The following AASS variants were observed in gnomAD, a reference collection of about 807,000 sequenced individuals.
The protein encoded by AASS is aminoadipate-semialdehyde synthase.
A neutral mutation model predicts 105.4 loss-of-function variants in AASS; 86 were observed. The observed-to-expected ratio is 0.82, with a 90% CI of 0.69 to 0.98. The LOEUF is 0.98. Among genes scored for constraint, AASS ranks in the 50% least tolerant of loss-of-function variants. The probability of loss-of-function intolerance (pLI) is 0.00; values close to 1 mark genes in which losing one functional copy is unlikely to be tolerated. For missense variants in AASS, 1,048 were observed against 1,143.2 expected, an observed-to-expected ratio of 0.92 and a Z score of 1.20; for synonymous variants, 381 against 394.8, an observed-to-expected ratio of 0.96 and a Z score of 0.41.
At chr7:122,093,190 C>G in intron 15 of AASS, 32 bp from the exon 16 acceptor site, 3 of 1,487,802 alleles carry the variant, frequency 2.0e-6, no homozygotes, top group Non-Finnish European at 2.8e-6. Context: ...ATCAGAAACT[C>G]CCTTTTTCAA....
At chr7:122,103,506 C>T (rs1402901956) in intron 11 of AASS, among the ~76,000 whole-genome samples, 2 of 151,716 alleles carry the variant, frequency 1.3e-5, no homozygotes, top group East Asian at 3.9e-4. Context: ...AACATGAAAA[C>T]ATAAAAAGTA....
chr7:122,137,860 G>T (rs1419408614), intron 1 of AASS, among the ~76,000 whole-genome samples: 1 of 152,156 alleles, frequency 6.6e-6, no homozygotes, highest in African/African-American at 2.4e-5. Flanking sequence ...GAAGATCAGG[G>T]TTTACTCACC....
At chr7:122,138,773 A>T (rs1796262081) in intron 1 of AASS, among the ~76,000 whole-genome samples, 1 of 152,074 alleles carries the variant, frequency 6.6e-6, no homozygotes, top group South Asian at 2.1e-4. Flanking sequence ...TGTTCTTTGT[A>T]TTTTTTTATT....
At chr7:122,091,915 CAA>C in intron 17 of AASS, 72 bp from the exon 18 acceptor site, 3 of 1,120,962 alleles carry the variant, frequency 2.7e-6, no homozygotes, top group Non-Finnish European at 4.0e-6. Context: ...TAATTGAAGA[CAA>C]TGATATGAAT....
intron 6 of AASS, among the ~76,000 whole-genome samples, chr7:122,117,725 G>A (rs1404955629): frequency 6.6e-6 from 1 of 151,452 alleles, no homozygotes; most frequent in Non-Finnish European, 1.5e-5. Flanking sequence ...GTGCAATCTC[G>A]GCTCACTGCA....
chr7:122,125,714 TGCTTGGACCAGTATAA>T (rs1795627072), intron 4 of AASS, among the ~76,000 whole-genome samples: 1 of 152,224 alleles, frequency 6.6e-6, no homozygotes. Flanking sequence ...ACTTAATGCT[TGCTTGGACCAGTATAA>T]GCCTGCCGGG....
At chr7:122,094,273 T>G (rs1408595829) in intron 15 of AASS, among the ~76,000 whole-genome samples, 1 of 151,958 alleles carries the variant, frequency 6.6e-6, no homozygotes, top group Non-Finnish European at 1.5e-5. Flanking sequence ...AAATAAATAT[T>G]CCCTTGGAAA....
In AASS at chr7:122,118,575, G is replaced by T. The variant is rs776823496; in HGVS notation, c.528C>A (p.His176Gln). 4.3e-5 allele frequency: 69 copies of T among 1,614,000 alleles called. 3 individuals carry two copies. In the South Asian group the frequency reaches 7.5e-4, roughly 17 times the overall value. The change falls in exon 5 of 24, where the codon CAC (histidine) becomes CAA (glutamine). Residue 176 changes from histidine to glutamine, a missense_variant. Physicochemically the swap from His to Gln is conservative, Grantham distance 24. Transcript: ENST00000417368. ...AAACATCTCTTACCATAAAAGGTGT[G>T]TGATGTCCCAAAGCAAGGAGCCTTA... is the stretch of plus-strand genomic sequence containing the variant. ...MGLRLLALGH[H>Q]TPFMHIGMAH...
chr7:122,091,840 C>A lies in AASS; in HGVS notation c.1879G>T (p.Glu627Ter). 2 of 1,595,014 alleles carry A rather than the reference C, an allele frequency of 1.3e-6. No individual in the cohort carries two copies. The highest frequency in any genetic ancestry group is 1.7e-6 in the Non-Finnish European group (2 of 1,163,666). Reference protein sequence around the residue: ...DKAKEVGATIESYISYCGGLP... With the variant: ...DKAKEVGATI ...CCACCACAGTAGGAAATATATGATT[C>A]AATCTATAAATTAAAGAATCAATAA... The change falls in exon 18 of 24, where the codon GAA becomes TAA. Residue 627 changes from glutamate (E) to a stop codon, truncating the protein, a stop_gained. Transcript: ENST00000417368. LOFTEE classifies it high-confidence loss of function.
At chr7:122,138,470 GTCTCTCTCACTCTCTCTT>G (rs892659159) in intron 1 of AASS, among the ~76,000 whole-genome samples, 4 of 152,240 alleles carry the variant, frequency 2.6e-5, no homozygotes, top group African/African-American at 9.6e-5. Flanking sequence ...TGTAAATGTG[GTCTCTCTCACTCTCTCTT>G]TCTCTCTCAC....
At chr7:122,083,741 T>C (rs1380688345) in intron 19 of AASS, among the ~76,000 whole-genome samples, 1 of 152,006 alleles carries the variant, frequency 6.6e-6, no homozygotes, top group East Asian at 1.9e-4. Flanking sequence ...TTAGGGAGGA[T>C]ACCACAGGAA....
chr7:122,143,909 T>C (rs1331175758), intron 1 of AASS, among the ~76,000 whole-genome samples: 6 of 152,186 alleles, frequency 3.9e-5, no homozygotes, highest in African/African-American at 1.4e-4. Context: ...CCGCTCTCCC[T>C]CCCTTCCTCG....
At chr7:122,081,452 A>C (rs1793316093) in intron 20 of AASS, 48 bp downstream of exon 20, 3 of 1,398,912 alleles carry the variant, frequency 2.1e-6, no homozygotes, top group Non-Finnish European at 3.1e-6. Flanking sequence ...CCATTTCAGA[A>C]GGTATTTCTG....
At chr7:122,117,687 G>A (rs1179014200) in intron 6 of AASS, among the ~76,000 whole-genome samples, 4 of 150,378 alleles carry the variant, frequency 2.7e-5, no homozygotes, top group East Asian at 2.0e-4. Context: ...ACAGAGTCTC[G>A]CTCTGTCACC....
At chr7:122,092,660 G>A (rs949049484) in intron 17 of AASS, among the ~76,000 whole-genome samples, 183 bp downstream of exon 17, 14 of 151,848 alleles carry the variant, frequency 9.2e-5, no homozygotes, top group Non-Finnish European at 2.1e-4. Context: ...GGAGATGGAG[G>A]TTGCAGTGAG....
intron 15 of AASS, among the ~76,000 whole-genome samples, chr7:122,095,849 T>C (rs1158039484): frequency 1.3e-5 from 2 of 152,150 alleles, no homozygotes; most frequent in African/African-American, 4.8e-5. Flanking sequence ...TGCAATGTCA[T>C]CATCTTAAAG....
chr7:122,118,712 T>C, intron 4 of AASS, 82 bp from the exon 5 acceptor site: 1 of 1,338,194 alleles, frequency 7.5e-7, no homozygotes, highest in Non-Finnish European at 1.1e-6. Flanking sequence ...CCAATCTGCA[T>C]GGTGCCCTGC....
At chr7:122,140,505 A>AAAAAAAAAAAAAAAAT (rs1405398763) in intron 1 of AASS, among the ~76,000 whole-genome samples, 1 of 149,918 alleles carries the variant, frequency 6.7e-6, no homozygotes, top group Non-Finnish European at 1.5e-5. Flanking sequence ...AAAAAAAAAA[A>AAAAAAAAAAAAAAAAT]AAAGAATGAA....
Position 122,074,832 on chromosome 7 carries a change from T to C in AASS, c.*1657A>G, listed in dbSNP as rs1473005553. The stretch of plus-strand genomic sequence containing the variant: ...ACCCTCAATTATATTGGTATTTTAC[T>C]CTTTCTGATGCTGTCAATTTTTTTC... On this transcript the variant is annotated 3_prime_UTR_variant, in exon 24 of 24. Transcript: ENST00000417368. Among the ~76,000 whole-genome samples the C allele has an allele frequency of 2.0e-5, 3 of 152,116 alleles. No individual in the cohort carries two copies. Among genetic ancestry groups the C allele is most frequent in the Non-Finnish European group, 2.9e-5 (2 of 68,012 alleles).
Sources: gnomAD v4.1 joint callset for allele counts (sites outside exome capture counted in the v4.1 genomes callset) on GRCh38, gnomAD v4.1.1 for gene constraint, MANE v1.5 for transcripts, NCBI Gene and HGNC (gene_info 2026-07-23, HGNC 2026-07-21) for gene names.